The following NAV2 variants were observed in gnomAD, a reference collection of about 807,000 sequenced individuals.
NAV2 encodes the protein neuron navigator 2.
A neutral mutation model predicts 223.2 loss-of-function variants in NAV2; 54 were observed. The observed-to-expected ratio is 0.24, with a 90% CI of 0.19 to 0.30. The LOEUF is 0.30. Among genes scored for constraint, NAV2 ranks in the 10% least tolerant of loss-of-function variants. The pLI, the probability that NAV2 is intolerant of heterozygous loss-of-function variation, is 1.00. For synonymous variants in NAV2, 1,279 were observed against 1,239.3 expected, an observed-to-expected ratio of 1.03 and a Z score of -0.67; for missense variants, 2,806 against 3,147.5, an observed-to-expected ratio of 0.89 and a Z score of 2.60.
intron 3 of NAV2, among the ~76,000 whole-genome samples, chr11:19,849,837 C>G (rs1054493851): frequency 2.0e-5 from 3 of 152,210 alleles, no homozygotes; most frequent in Non-Finnish European, 2.9e-5. Flanking sequence ...CCCAGGGCAG[C>G]ATATACACAC....
chr11:19,586,983 C>A (rs1040339664), intron 1 of NAV2, among the ~76,000 whole-genome samples: 7 of 152,232 alleles, frequency 4.6e-5, no homozygotes, highest in Non-Finnish European at 1.0e-4. Flanking sequence ...GAGGTGGAGT[C>A]TACAGAGGCA....
rs367831494 is a variant in NAV2 at position 19,934,112 on chromosome 11, G to T, written c.1868G>T (p.Gly623Val). The T allele has an allele frequency of 1.7e-5, 28 of 1,613,906 alleles. No individual in the cohort carries two copies. The highest frequency in any genetic ancestry group is 2.4e-5 in the Non-Finnish European group (28 of 1,179,986). The stretch of plus-strand genomic sequence containing the variant: ...AGCCTGGCGTCCTCAGAAGGAAAAG[G>T]CCCAGGAGGGACCACCCTGAACCAC... ...SSSLASSEGK[G>V]PGGTTLNHSI... The change falls in exon 7 of 38, where the codon GGC becomes GTC. Residue 623 changes from glycine (G) to valine (V), a missense_variant. Coordinates refer to ENST00000349880, the MANE Select transcript of NAV2 (RefSeq NM_145117.5).
At chr11:19,989,351 G>A (rs1459504596) in intron 11 of NAV2, among the ~76,000 whole-genome samples, 5 of 152,116 alleles carry the variant, frequency 3.3e-5, no homozygotes, top group African/African-American at 1.2e-4. Context: ...GAGGAAGAAG[G>A]CTACAGCCCA....
At chr11:19,884,324 A>T in intron 5 of NAV2, 1 of 1,614,014 alleles carries the variant, frequency 6.2e-7, no homozygotes, top group Non-Finnish European at 8.5e-7. Flanking sequence ...CTCAAAGCAA[A>T]ATCATCCGCT....
chr11:19,498,755 T>A (rs1590339762), intron 1 of NAV2, among the ~76,000 whole-genome samples: 1 of 152,354 alleles, frequency 6.6e-6, no homozygotes, highest in East Asian at 1.9e-4. Flanking sequence ...TCTGCTGTGT[T>A]CCAAAGATGG....
chr11:19,606,770 C>A (rs973648755), intron 1 of NAV2, among the ~76,000 whole-genome samples: 1 of 152,192 alleles, frequency 6.6e-6, no homozygotes, highest in Non-Finnish European at 1.5e-5. Context: ...TCCTACAAGA[C>A]CCTCATCTTG....
Position 19,939,730 on chromosome 11 carries a change from C to T in NAV2, c.2103C>T (p.Ser701=). 1.2e-6 allele frequency: 2 copies of T among 1,614,132 alleles called. No individual in the cohort carries two copies. The highest frequency in any genetic ancestry group is 1.7e-6 in the Non-Finnish European group (2 of 1,180,008). The change falls in exon 8 of 38, where the codon AGC becomes AGT. Residue 701 remains serine, a synonymous_variant. Transcript: ENST00000349880. ...SSSTGVSVEP[S]HFTKTGQPAL... The stretch of plus-strand genomic sequence containing the variant: ...CAACAGGTGTGAGCGTGGAGCCCAG[C>T]CACTTCACCAAGACTGGACAGCCTG...
intron 3 of NAV2, among the ~76,000 whole-genome samples, chr11:19,849,603 C>G (rs568684132): frequency 6.4e-4 from 97 of 152,338 alleles, no homozygotes; most frequent in South Asian, 4.6e-3. Context: ...GCCCTCCCAA[C>G]AGCTGCCAGA....
intron 10 of NAV2, among the ~76,000 whole-genome samples, chr11:19,959,306 C>T (rs909791717): frequency 3.3e-5 from 5 of 152,116 alleles, no homozygotes; most frequent in South Asian, 2.1e-4. Context: ...GAACTCAGGG[C>T]GCAGAGGGGA....
In NAV2 at chr11:19,892,490, G is replaced by A. The variant is rs1311514647; in HGVS notation, c.827G>A (p.Gly276Glu). The A allele has an allele frequency of 6.2e-7, 1 of 1,614,158 alleles. No individual in the cohort carries two copies. Among genetic ancestry groups the A allele is most frequent in the East Asian group, 2.2e-5 (1 of 44,878 alleles). Reference protein sequence around the residue: ...SAAGSEAKTRGGSTTANNRRS... With the variant: ...SAAGSEAKTREGSTTANNRRS... ...GCAGGCAGCGAGGCCAAAACACGCG[G>A]AGGGTCAACTACTGCTAACAACCGA... Residue 276 changes from glycine (G) to glutamate (E), a missense_variant, in exon 6 of 38, where the codon GGA (glycine) becomes GAA (glutamate). Gly to Glu is a moderately conservative substitution (Grantham distance 98). Transcript: ENST00000349880.
At chr11:19,710,581 C>T (rs897862541), upstream of NAV2, among the ~76,000 whole-genome samples, 1 of 152,244 alleles carries the variant, frequency 6.6e-6, no homozygotes, top group African/African-American at 2.4e-5. Context: ...GTGGAGCTTT[C>T]AAACAAGTTT....
At chr11:19,569,914 G>A (rs547930569) in intron 1 of NAV2, among the ~76,000 whole-genome samples, 9 of 152,272 alleles carry the variant, frequency 5.9e-5, no homozygotes, top group African/African-American at 1.7e-4. Context: ...GTCTACTAAC[G>A]CTAAATTTTG....
intron 10 of NAV2, among the ~76,000 whole-genome samples, chr11:19,975,423 T>G (rs2049630633): frequency 6.6e-6 from 1 of 152,240 alleles, no homozygotes; most frequent in Admixed American, 6.5e-5. Flanking sequence ...ATTATAGGCC[T>G]TTCAAATTAA....
At chr11:19,559,378 C>T (rs1244677825) in intron 1 of NAV2, among the ~76,000 whole-genome samples, 1 of 152,172 alleles carries the variant, frequency 6.6e-6, no homozygotes, top group Non-Finnish European at 1.5e-5. Context: ...CATTTAACCC[C>T]CGAGCCTTGT....
chr11:19,654,689 T>C (rs948693033), intron 1 of NAV2, among the ~76,000 whole-genome samples: 8 of 152,238 alleles, frequency 5.3e-5, no homozygotes, highest in African/African-American at 1.7e-4. Flanking sequence ...GCTAGCCATA[T>C]GTAGAAAGCT....
chr11:19,932,257 A>AAAAAAAAAG lies in NAV2; in HGVS notation c.932-916_932-915insAAAAAGAAA, dbSNP rs1555153008. ...TAAGCAAAAAAAAAAAAAAAAAAAA[A>AAAAAAAAAG]AAAGAAAGAAAAGGAAAAAAAAAAA... On this transcript the variant is annotated intron_variant, in intron 6 of 37. Coordinates refer to ENST00000349880, the MANE Select transcript of NAV2 (RefSeq NM_145117.5). Among the ~76,000 whole-genome samples, 251 of 99,510 alleles carry AAAAAAAAAG rather than the reference A, an allele frequency of 2.5e-3. 1 individual carries two copies. The highest frequency in any genetic ancestry group is 6.0e-3 in the Middle Eastern group (1 of 168). 65.3% of individuals were successfully genotyped at this position (99,510 alleles called of 152,430 possible).
intron 1 of NAV2, among the ~76,000 whole-genome samples, chr11:19,358,604 C>T (rs1590045283): frequency 6.6e-6 from 1 of 152,176 alleles, no homozygotes; most frequent in Non-Finnish European, 1.5e-5. Context: ...TGGTTACAAA[C>T]AGCAAGATCC....
intron 1 of NAV2, among the ~76,000 whole-genome samples, chr11:19,687,324 G>C (rs561701105): frequency 6.6e-6 from 1 of 152,174 alleles, no homozygotes; most frequent in African/African-American, 2.4e-5. Flanking sequence ...TCAATCTCCA[G>C]GTTACAGCCT....
chr11:19,741,161 T>C (rs2052762084), intron 1 of NAV2, among the ~76,000 whole-genome samples: 1 of 152,240 alleles, frequency 6.6e-6, no homozygotes. Context: ...ATTGTATAAA[T>C]TTAAGATGTA....
Sources: allele counts gnomAD v4.1 joint callset (sites outside exome capture counted in the v4.1 genomes callset), GRCh38; gene constraint gnomAD v4.1.1; transcripts MANE v1.5; gene names NCBI Gene and HGNC (gene_info 2026-07-23, HGNC 2026-07-21).